Variants in CADM1 observed in about 807,000 individuals in gnomAD.
CADM1 encodes TSLC-1.
Under a neutral mutation model 53.1 loss-of-function variants are expected in CADM1, and 15 were observed. The ratio of observed to expected loss-of-function variants is 0.28; its 90% confidence interval spans 0.19 to 0.44. The LOEUF (loss-of-function observed/expected upper bound fraction) is 0.44, where lower values mean the gene tolerates loss of function less well. CADM1 is among the 20% of genes least tolerant of loss of function. CADM1 has a pLI of 1.00. For missense variants in CADM1, 434 were observed against 611.3 expected (o/e 0.71, Z 3.06); for synonymous variants, 281 against 243.0 (o/e 1.16, Z -1.45).
intron 1 of CADM1, among the ~76,000 whole-genome samples, chr11:115,316,393 T>C (rs1466436524): frequency 6.6e-6 from 1 of 152,090 alleles, no homozygotes; most frequent in African/African-American, 2.4e-5. Flanking sequence ...TTCAGCTTGT[T>C]GATAGTTTTC....
chr11:115,446,531 T>C (rs1039315557), intron 1 of CADM1, among the ~76,000 whole-genome samples: 10 of 152,294 alleles, frequency 6.6e-5, no homozygotes, highest in Non-Finnish European at 1.3e-4. Flanking sequence ...ATAAAGGCCA[T>C]TCCCCTTTAT....
In CADM1 at chr11:115,228,395, T is replaced by C. The variant is rs552239952; in HGVS notation, c.721+718A>G. Among the ~76,000 whole-genome samples, 6 of 152,342 alleles carry C rather than the reference T, an allele frequency of 3.9e-5. No homozygotes were observed. The South Asian group carries it at 1.2e-3, about 32-fold the overall frequency. On this transcript the variant is annotated intron_variant, in intron 5 of 11. Coordinates refer to ENST00000331581, the MANE Select transcript of CADM1 (RefSeq NM_001301043.2). ...AATCACTACCATCCCAACCAAACTC[T>C]GGTAACATTTCAGTATGCATACTCA...
intron 3 of CADM1, among the ~76,000 whole-genome samples, chr11:115,232,240 G>A (rs371484307): frequency 9.9e-5 from 15 of 152,142 alleles, no homozygotes; most frequent in African/African-American, 3.1e-4. Flanking sequence ...CAAAGTCAAC[G>A]GAGCAAAGAT....
rs776038452 is a variant in CADM1, at chr11:115,217,930, G to A, written c.783C>T (p.Asp261=). The A allele has an allele frequency of 2.4e-5, 38 of 1,613,514 alleles. No homozygotes were observed. The highest frequency in any genetic ancestry group is 2.7e-5 in the Non-Finnish European group (32 of 1,179,664). ...TGGCTTCACATGTTAACTCAAGCGC[G>A]TCCCCTTCCCGGGTTAAGCCTTGTA... ...YPLQGLTREG[D]ALELTCEAIG... is the part of the protein sequence containing the mutation. The change falls in exon 6 of 12, where the codon GAC becomes GAT. Residue 261 remains aspartate (D), a synonymous_variant. Coordinates refer to ENST00000331581, the MANE Select transcript of CADM1 (RefSeq NM_001301043.2).
intron 1 of CADM1, among the ~76,000 whole-genome samples, chr11:115,282,358 T>C (rs926780261): frequency 6.6e-6 from 1 of 152,172 alleles, no homozygotes; most frequent in Non-Finnish European, 1.5e-5. Flanking sequence ...TTCCAGGATA[T>C]TATCTTGTAC....
In CADM1 at chr11:115,398,281, AT is replaced by A. The variant is rs1947053742; in HGVS notation, c.124+105989del. ...AATTTAAAATGATTCACTGGAACTA[AT>A]TTGGAGATATTTTAATCTCTGAATG... On this transcript the variant is annotated intron_variant, in intron 1 of 11. Transcript: ENST00000331581. Among the ~76,000 whole-genome samples the A allele has an allele frequency of 3.3e-5, 5 of 152,310 alleles. No homozygotes were observed. In the South Asian group the frequency reaches 1.0e-3, roughly 32 times the overall value.
chr11:115,233,057 T>C (rs138531699), intron 3 of CADM1, among the ~76,000 whole-genome samples: 1,569 of 152,310 alleles, frequency 0.01, 24 homozygotes, highest in African/African-American at 0.033. Context: ...ATTGGAGCAG[T>C]TGAAAATTCC....
At chr11:115,292,208 C>G (rs1943924641) in intron 1 of CADM1, among the ~76,000 whole-genome samples, 1 of 152,220 alleles carries the variant, frequency 6.6e-6, no homozygotes, top group South Asian at 2.1e-4. Flanking sequence ...TACAAGCACA[C>G]CAAGATGGGA....
At chr11:115,256,045 CTG>C (rs1391908804) in intron 1 of CADM1, among the ~76,000 whole-genome samples, 3 of 152,188 alleles carry the variant, frequency 2.0e-5, no homozygotes, top group Non-Finnish European at 4.4e-5. Context: ...TTTATTGTTA[CTG>C]TGTGTTTTGT....
At chr11:115,486,494 T>C (rs1181002683) in intron 1 of CADM1, among the ~76,000 whole-genome samples, 1 of 151,764 alleles carries the variant, frequency 6.6e-6, no homozygotes, top group Non-Finnish European at 1.5e-5. Context: ...AGGACTACAG[T>C]TGTACACCAC....
Position 115,254,591 on chromosome 11 carries a change from C to CAG in CADM1, c.125-14172_125-14171insCT, listed in dbSNP as rs761709271. On this transcript the variant is annotated intron_variant, in intron 1 of 11. Coordinates refer to ENST00000331581, the MANE Select transcript of CADM1 (RefSeq NM_001301043.2). ...ACACACACACACACACACACACACACACAGAGACAACAAACGCATACTTGT... is the reference window on the plus strand; with the variant it reads ...ACACACACACACACACACACACACACAGACAGAGACAACAAACGCATACTTGT... Among the ~76,000 whole-genome samples the CAG allele has an allele frequency of 1.8e-3, 256 of 140,806 alleles. 1 individual carries two copies. The highest frequency in any genetic ancestry group is 7.0e-3 in the African/African-American group (246 of 34,988). 92.4% of individuals were successfully genotyped at this position (140,806 alleles called of 152,430 possible).
chr11:115,207,610 G>C (rs1334060499), intron 8 of CADM1, among the ~76,000 whole-genome samples: 1 of 152,056 alleles, frequency 6.6e-6, no homozygotes, highest in African/African-American at 2.4e-5. Context: ...ATAAGCTAGT[G>C]AGAAGGCCAG....
At chr11:115,183,384 A>G (rs1939401961) in intron 10 of CADM1, among the ~76,000 whole-genome samples, 1 of 152,216 alleles carries the variant, frequency 6.6e-6, no homozygotes, top group Non-Finnish European at 1.5e-5. Context: ...CAAATGCCAT[A>G]ATCATGGATC....
chr11:115,178,980 CATG>C, intron 10 of CADM1: 1 of 615,198 alleles, frequency 1.6e-6, no homozygotes, highest in South Asian at 1.7e-5. Flanking sequence ...GAGGCAATTT[CATG>C]ATAAGCAGCA....
intron 1 of CADM1, among the ~76,000 whole-genome samples, chr11:115,300,982 G>GC (rs567301527): frequency 1.4e-3 from 206 of 151,844 alleles, no homozygotes; most frequent in African/African-American, 4.8e-3. Context: ...TGCCTCCACC[G>GC]CCCCCCCACC....
rs1941531900 is a variant in CADM1 at position 115,224,586 on chromosome 11, T to G, written c.721+4527A>C. 3.9e-5 allele frequency among the ~76,000 whole-genome samples: 6 copies of G among 152,120 alleles called. No homozygotes were observed. In the South Asian group the frequency reaches 1.2e-3, roughly 31 times the overall value. ...CCAAACATTTTAAAGAGCAAGGCTA[T>G]GATGGGTGAAAGCAGAAGCCACACA... On this transcript the variant is annotated intron_variant, in intron 5 of 11. Transcript: ENST00000331581.
At chr11:115,326,886 AAT>A (rs1473312510) in intron 1 of CADM1, among the ~76,000 whole-genome samples, 1 of 152,178 alleles carries the variant, frequency 6.6e-6, no homozygotes, top group African/African-American at 2.4e-5. Context: ...TTTACTATCA[AAT>A]ATGTTATCTG....
At chr11:115,468,772 C>A (rs577873754) in intron 1 of CADM1, among the ~76,000 whole-genome samples, 1 of 152,140 alleles carries the variant, frequency 6.6e-6, no homozygotes, top group African/African-American at 2.4e-5. Context: ...TGTTCTCATG[C>A]TAATAATAAA....
intron 1 of CADM1, among the ~76,000 whole-genome samples, chr11:115,502,163 T>G (rs1423886475): frequency 6.6e-6 from 1 of 152,054 alleles, no homozygotes; most frequent in African/African-American, 2.4e-5. Context: ...CACCGCGAGA[T>G]AGTTACAAAT....
Sources: gnomAD v4.1 joint callset for allele counts (sites outside exome capture counted in the v4.1 genomes callset) on GRCh38, gnomAD v4.1.1 for gene constraint, MANE v1.5 for transcripts, NCBI Gene and HGNC (gene_info 2026-07-23, HGNC 2026-07-21) for gene names.